Variants in HELZ observed in about 807,000 individuals in gnomAD.
The protein encoded by HELZ is helicase with zinc finger.
Under a neutral mutation model 218.2 loss-of-function variants are expected in HELZ, and 23 were observed. The ratio of observed to expected loss-of-function variants is 0.11; its 90% CI spans 0.08 to 0.15. The LOEUF (loss-of-function observed/expected upper bound fraction) is 0.15. Ranked by LOEUF, HELZ falls within the 10% of genes least tolerant of loss-of-function variation. The pLI is 1.00. For synonymous variants in HELZ, 814 were observed against 829.4 expected (o/e 0.98, Z 0.32); for missense variants, 1,813 against 2,353.7 (o/e 0.77, Z 4.75).
At chr17:67,142,968 C>T (rs996767189) in intron 21 of HELZ, among the ~76,000 whole-genome samples, 1 of 151,808 alleles carries the variant, frequency 6.6e-6, no homozygotes, top group Non-Finnish European at 1.5e-5. Context: ...ACCATGTTGC[C>T]CAGGCTGGTC....
At position 67,145,881 on chromosome 17, in the gene HELZ, A is replaced by T. The variant is rs777039404; in HGVS notation, c.2631T>A (p.Ser877=). The T allele has an allele frequency of 6.2e-7, 1 of 1,613,000 alleles. No homozygotes were observed. Among genetic ancestry groups the T allele is most frequent in the African/African-American group, 1.3e-5 (1 of 74,998 alleles). The change falls in exon 21 of 33, where the codon TCT becomes TCA. Residue 877 remains serine (S), a synonymous_variant. Coordinates refer to ENST00000358691, the MANE Select transcript of HELZ (RefSeq NM_014877.4). Reference sequence around the variant, plus strand: ...TCAGTTTGCCCTCATAGAAAAGCTCAGAGGTATAACTGCAGTAAAAGACAA... The same window carrying T: ...TCAGTTTGCCCTCATAGAAAAGCTCTGAGGTATAACTGCAGTAAAAGACAA... The part of the protein sequence containing the change: ...RSHEAIINYT[S]ELFYEGKLMA...
chr17:67,078,657 T>C (rs917284094), intron 32 of HELZ, 71 bp from the exon 33 acceptor site: 19 of 1,135,104 alleles, frequency 1.7e-5, no homozygotes, highest in Non-Finnish European at 2.3e-5. Context: ...ATTCACTCAG[T>C]GTGTCAGAAC....
Position 67,148,663 on chromosome 17 carries a change from A to T in HELZ, c.2527T>A (p.Ser843Thr). Reference sequence around the variant, plus strand: ...TGCTCATAGAGTCGGTCAAGTAATGAAACGTGAAGGTTTCTCTCCCTGGCA... The same window carrying T: ...TGCTCATAGAGTCGGTCAAGTAATGTAACGTGAAGGTTTCTCTCCCTGGCA... ...EFARERNLHV[S>T]LLDRLYEHYP... Residue 843 changes from serine to threonine, a missense_variant, in exon 20 of 33, where the codon TCA (serine) becomes ACA (threonine). Physicochemically the swap from Ser to Thr is moderately conservative, Grantham distance 58. This residue lies in a region of HELZ where 714 missense variants were observed against 1,029.2 expected (regional missense o/e 0.69). Coordinates refer to ENST00000358691, the MANE Select transcript of HELZ (RefSeq NM_014877.4). 1 of 1,613,868 alleles carries T rather than the reference A, an allele frequency of 6.2e-7. No homozygotes were observed. Among genetic ancestry groups the T allele is most frequent in the Non-Finnish European group, 8.5e-7 (1 of 1,179,794 alleles).
chr17:67,093,492 C>G (rs973414485), intron 31 of HELZ, among the ~76,000 whole-genome samples: 1 of 152,196 alleles, frequency 6.6e-6, no homozygotes, highest in African/African-American at 2.4e-5. Context: ...ATGAGTCCTT[C>G]TCTAAAGCAA....
intron 17 of HELZ, among the ~76,000 whole-genome samples, chr17:67,155,218 TATAGG>T (rs2038804128): frequency 6.6e-6 from 1 of 152,110 alleles, no homozygotes; most frequent in African/African-American, 2.4e-5. Context: ...TGGGATCTAA[TATAGG>T]AGAGAAGAAA....
At chr17:67,079,036 A>G (rs1835141990) in intron 32 of HELZ, among the ~76,000 whole-genome samples, 1 of 152,168 alleles carries the variant, frequency 6.6e-6, no homozygotes, top group African/African-American at 2.4e-5. Context: ...TTACAATGCT[A>G]CCCTTCCTTG....
intron 25 of HELZ, 109 bp downstream of exon 25, chr17:67,123,854 A>C: frequency 1.5e-6 from 1 of 689,488 alleles, no homozygotes; most frequent in East Asian, 3.1e-5. Context: ...TGTCAGAGAG[A>C]AAGAGAGAGA....
At chr17:67,234,765 C>T (rs1434081880) in intron 3 of HELZ, among the ~76,000 whole-genome samples, 2 of 152,094 alleles carry the variant, frequency 1.3e-5, no homozygotes, top group Non-Finnish European at 2.9e-5. Flanking sequence ...CATTATATTC[C>T]TTTATGTATC....
intron 31 of HELZ, among the ~76,000 whole-genome samples, chr17:67,091,177 T>C (rs2036564348): frequency 6.6e-6 from 1 of 151,954 alleles, no homozygotes; most frequent in Non-Finnish European, 1.5e-5. Flanking sequence ...TGGTCAAAGA[T>C]AGGGGACAAG....
intron 32 of HELZ, among the ~76,000 whole-genome samples, chr17:67,083,357 C>T (rs188142485): frequency 8.0e-4 from 121 of 152,152 alleles, no homozygotes; most frequent in African/African-American, 2.8e-3. Flanking sequence ...AAATACATAT[C>T]TCAGCCGGGC....
At chr17:67,169,865 G>C (rs1428459489) in intron 13 of HELZ, among the ~76,000 whole-genome samples, 3 of 152,262 alleles carry the variant, frequency 2.0e-5, no homozygotes, top group Admixed American at 2.0e-4. Flanking sequence ...TACAATGGTG[G>C]GACAAGCACA....
intron 29 of HELZ, 109 bp downstream of exon 29, chr17:67,109,007 C>G: frequency 1.1e-6 from 1 of 935,824 alleles, no homozygotes; most frequent in South Asian, 1.7e-5. Flanking sequence ...GGGGGTTTTG[C>G]TAGCATTATT....
chr17:67,171,388 T>C (rs748636000), intron 13 of HELZ, among the ~76,000 whole-genome samples: 6 of 152,136 alleles, frequency 3.9e-5, no homozygotes, highest in Non-Finnish European at 8.8e-5. Context: ...ACTTAGAAAA[T>C]GGCACTGTCA....
intron 28 of HELZ, among the ~76,000 whole-genome samples, chr17:67,112,062 A>C (rs892882865): frequency 1.3e-5 from 2 of 152,180 alleles, no homozygotes; most frequent in Admixed American, 1.3e-4. Context: ...CAATACTACA[A>C]TTGGCTCCCT....
At chr17:67,235,996 C>A (rs906895883) in intron 3 of HELZ, among the ~76,000 whole-genome samples, 8 of 151,922 alleles carry the variant, frequency 5.3e-5, no homozygotes, top group Non-Finnish European at 8.8e-5. Context: ...TCCTGACCTC[C>A]TGATCCGCCC....
chr17:67,240,437 A>G (rs890316372), intron 2 of HELZ, among the ~76,000 whole-genome samples: 1 of 152,204 alleles, frequency 6.6e-6, no homozygotes, highest in African/African-American at 2.4e-5. Flanking sequence ...GTACTGCTCA[A>G]ATTTGTTTAC....
At chr17:67,121,452 G>A (rs991058729) in intron 26 of HELZ, among the ~76,000 whole-genome samples, 9 of 152,318 alleles carry the variant, frequency 5.9e-5, no homozygotes, top group African/African-American at 2.2e-4. Flanking sequence ...AGTCTATGGG[G>A]AGTGGGCATG....
rs1456811403 is a variant in HELZ, at chr17:67,190,314, G to A, written c.599C>T (p.Thr200Ile). ...QGICRYGAQCTSAHSQEELAE... is the reference protein window; with the variant it reads ...QGICRYGAQCISAHSQEELAE... ...TAGTTCTTCCTGGGAATGTGCTGAA[G>A]TACACTGGGCACCATACCTACAGAT... Residue 200 changes from threonine (T) to isoleucine (I), a missense_variant, in exon 10 of 33, where the codon ACT (threonine) becomes ATT (isoleucine). Coordinates refer to ENST00000358691, the MANE Select transcript of HELZ (RefSeq NM_014877.4). 1 of 1,613,960 alleles carries A rather than the reference G, an allele frequency of 6.2e-7. No individual in the cohort carries two copies.
At position 67,128,635 on chromosome 17, in the gene HELZ, T is replaced by A. The variant is rs754585475; in HGVS notation, c.3387+16A>T. 5 of 1,609,066 alleles carry A rather than the reference T, an allele frequency of 3.1e-6. No individual in the cohort carries two copies. In the South Asian group the frequency reaches 5.5e-5, roughly 18 times the overall value. On this transcript the variant is annotated intron_variant, in intron 24 of 32. Transcript: ENST00000358691. ...TCTCCCTTTAACCTCTTCAATTTCA[T>A]TAACAGAGGCTTTACCTTGGGTGGT...
Sources: allele counts gnomAD v4.1 joint callset (sites outside exome capture counted in the v4.1 genomes callset), GRCh38; gene constraint gnomAD v4.1.1; regional missense constraint gnomAD v4.1.1; transcripts MANE v1.5; gene names NCBI Gene and HGNC (gene_info 2026-07-23, HGNC 2026-07-21).